BTG2: variants seen among roughly 807,000 people sequenced by gnomAD.
The protein encoded by BTG2 is BTG anti-proliferation factor 2, also known as protein BTG2.
Under a neutral mutation model 13.1 loss-of-function variants are expected in BTG2, and 9 were observed. The ratio of observed to expected loss-of-function variants is 0.69; its 90% CI spans 0.41 to 1.20. BTG2 has a LOEUF of 1.20. Among genes scored for constraint, BTG2 ranks in the 50% most tolerant of loss-of-function variants. The pLI is 0.00. For missense variants in BTG2, 200 were observed against 209.5 expected (o/e 0.95, Z 0.28); for synonymous variants, 92 against 88.6 (o/e 1.04, Z -0.21).
At chr1:203,305,779 C>CG in intron 1 of BTG2, 31 bp downstream of exon 1, 1 of 1,534,468 alleles carries the variant, frequency 6.5e-7, no homozygotes, top group Non-Finnish European at 8.8e-7. Context: ...CTGGCGCCAC[C>CG]GGGGGTCGGC....
intron 1 of BTG2, among the ~76,000 whole-genome samples, chr1:203,306,240 A>T (rs1658269101): frequency 6.6e-6 from 1 of 152,020 alleles, no homozygotes; most frequent in South Asian, 2.1e-4. Context: ...CTGGTTGCTG[A>T]CTGGCTTCAA....
rs2102286222 is a variant in BTG2 at position 203,307,977 on chromosome 1, G to C, written c.*539G>C. ...CTTTTATTTTTCTAATGAGGTCCTG[G>C]GCAGAGAGTGAAAAGGCCTCTCCTG... is the stretch of plus-strand genomic sequence containing the variant. On this transcript the variant is annotated 3_prime_UTR_variant, in exon 2 of 2. Transcript: ENST00000290551. The C allele has an allele frequency of 6.5e-6, 1 of 152,754 alleles. No homozygotes were observed. Among genetic ancestry groups the C allele is most frequent in the South Asian group, 2.1e-4 (1 of 4,830 alleles). The allele number at this position is 152,754 out of a possible 1,614,324, so 9.5% of individuals were successfully genotyped here.
chr1:203,305,753 G>C lies in BTG2; in HGVS notation c.142+5G>C. 6.5e-7 allele frequency: 1 copy of C among 1,544,372 alleles called. No individual in the cohort carries two copies. Among genetic ancestry groups the C allele is most frequent in the Non-Finnish European group, 8.7e-7 (1 of 1,144,628 alleles). On this transcript the variant is annotated splice_donor_5th_base_variant and intron_variant, in intron 1 of 1. Coordinates refer to ENST00000290551, the MANE Select transcript of BTG2 (RefSeq NM_006763.3). ...CGCTCCAGGAGGCACTCACAGGTGA[G>C]CGCATGCCGAGGGGCCTGGCGCCAC...
At chr1:203,305,920 C>T (rs533373974) in intron 1 of BTG2, among the ~76,000 whole-genome samples, 172 bp downstream of exon 1, 1 of 152,290 alleles carries the variant, frequency 6.6e-6, no homozygotes, top group African/African-American at 2.4e-5. Context: ...GGTCCTCCTC[C>T]CCAGCCCTGT....
intron 1 of BTG2, 103 bp downstream of exon 1, chr1:203,305,851 T>C (rs1658247294): frequency 6.9e-7 from 1 of 1,447,682 alleles, no homozygotes; most frequent in Non-Finnish European, 9.1e-7. Context: ...CGGGAGCAGC[T>C]TTGGGACTCG....
intron 1 of BTG2, among the ~76,000 whole-genome samples, chr1:203,306,148 T>A (rs1571500551): frequency 6.6e-6 from 1 of 152,072 alleles, no homozygotes; most frequent in African/African-American, 2.4e-5. Context: ...GGGAAGAAGG[T>A]GCAGTCGAGC....
rs965650259 is a variant in BTG2, at chr1:203,309,394, A to C, written c.*1956A>C. ...TTCTCTTCTTTATGATGTTCACTTT[A>C]AAAACAACAAAACCCCTGAGCTGGA... On this transcript the variant is annotated 3_prime_UTR_variant, in exon 2 of 2. Coordinates refer to ENST00000290551, the MANE Select transcript of BTG2 (RefSeq NM_006763.3). The C allele has an allele frequency of 6.6e-6, 1 of 152,624 alleles. No homozygotes were observed. The highest frequency in any genetic ancestry group is 2.4e-5 in the African/African-American group (1 of 41,438). 9.5% of individuals were successfully genotyped at this position (152,624 alleles called of 1,614,324 possible).
At position 203,305,613 on chromosome 1, in the gene BTG2, C is replaced by G. The variant is rs755396120; in HGVS notation, c.7C>G (p.His3Asp). 32 of 1,602,510 alleles carry G rather than the reference C, an allele frequency of 2.0e-5. No individual in the cohort carries two copies. The Admixed American group carries it at 4.1e-4, about 20-fold the overall frequency. Residue 3 changes from histidine (H) to aspartate (D), a missense_variant, in exon 1 of 2, where the codon CAC becomes GAC. Physicochemically the swap from His to Asp is moderately conservative, Grantham distance 81. Transcript: ENST00000290551. MS[H>D]GKGTDMLPEI... ...AGCCCGAGCCGCGCGCGACATGAGCCACGGGAAGGGAACCGACATGCTCCC... is the reference window on the plus strand; with the variant it reads ...AGCCCGAGCCGCGCGCGACATGAGCGACGGGAAGGGAACCGACATGCTCCC...
intron 1 of BTG2, among the ~76,000 whole-genome samples, chr1:203,306,211 C>T (rs534285400): frequency 6.6e-6 from 1 of 152,334 alleles, no homozygotes; most frequent in African/African-American, 2.4e-5. Flanking sequence ...TCGGGGTGCG[C>T]TGTGCCTGGG....
intron 1 of BTG2, 107 bp downstream of exon 1, chr1:203,305,855 G>T (rs1658247360): frequency 7.0e-7 from 1 of 1,436,274 alleles, no homozygotes; most frequent in Admixed American, 2.7e-5. Flanking sequence ...AGCAGCTTTG[G>T]GACTCGGTGG....
intron 1 of BTG2, among the ~76,000 whole-genome samples, chr1:203,306,075 A>G (rs1658255715): frequency 6.6e-6 from 1 of 151,946 alleles, no homozygotes; most frequent in African/African-American, 2.4e-5. Flanking sequence ...TGGACCCTCG[A>G]GATCTTAAGA....
intron 1 of BTG2, 49 bp from the exon 2 acceptor site, chr1:203,307,055 G>A: frequency 6.5e-7 from 1 of 1,536,702 alleles, no homozygotes; most frequent in Non-Finnish European, 8.9e-7. Context: ...TAGTATCCAT[G>A]GCCTAGCTGC....
chr1:203,306,177 T>A (rs571670538), intron 1 of BTG2, among the ~76,000 whole-genome samples: 1 of 151,970 alleles, frequency 6.6e-6, no homozygotes. Flanking sequence ...CAATTTGGAG[T>A]CCCAGTGCGG....
At position 203,309,193 on chromosome 1, in the gene BTG2, A is replaced by G. The variant is rs1360955063; in HGVS notation, c.*1755A>G. ...GTATTGCCTTCCCAGACCTGCTTCC[A>G]GTCTTTATTGCTTTAAAGTTCACTT... On this transcript the variant is annotated 3_prime_UTR_variant, in exon 2 of 2. Coordinates refer to ENST00000290551, the MANE Select transcript of BTG2 (RefSeq NM_006763.3). The G allele has an allele frequency of 6.6e-6, 1 of 152,666 alleles. No homozygotes were observed. Among genetic ancestry groups the G allele is most frequent in the Non-Finnish European group, 1.5e-5 (1 of 68,040 alleles). 9.5% of individuals were successfully genotyped at this position (152,666 alleles called of 1,614,324 possible). A position where few individuals can be genotyped will look rare whatever the true frequency, so the allele number is the denominator to read the frequency against.
intron 1 of BTG2, among the ~76,000 whole-genome samples, chr1:203,306,306 C>T (rs1558183491): frequency 1.3e-5 from 2 of 152,124 alleles, no homozygotes; most frequent in Admixed American, 6.5e-5. Flanking sequence ...CATCTGCCAC[C>T]TATTGTGGTA....
intron 1 of BTG2, 135 bp downstream of exon 1, chr1:203,305,883 G>A (rs1159808187): frequency 7.9e-7 from 1 of 1,269,836 alleles, no homozygotes; most frequent in Non-Finnish European, 1.1e-6. Context: ...CCGACCCCCG[G>A]GGCGGCCCGC....
chr1:203,306,260 TG>T (rs1370827130), intron 1 of BTG2, among the ~76,000 whole-genome samples: 1 of 152,200 alleles, frequency 6.6e-6, no homozygotes, highest in Non-Finnish European at 1.5e-5. Context: ...AGTTGGAATT[TG>T]GGCCCCCTTT....
In BTG2 at chr1:203,307,198, C is replaced by T. The variant is rs1658298608; in HGVS notation, c.237C>T (p.Ser79=). ...RINHKMDPII[S]RVASQIGLSQ... is the part of the protein sequence containing the mutation. The stretch of plus-strand genomic sequence containing the variant: ...ACCACAAGATGGACCCCATCATCAG[C>T]AGGGTGGCCAGCCAGATCGGACTCA... The change falls in exon 2 of 2, where the codon AGC becomes AGT. Residue 79 remains serine, a synonymous_variant. Coordinates refer to ENST00000290551, the MANE Select transcript of BTG2 (RefSeq NM_006763.3). 1 of 1,614,160 alleles carries T rather than the reference C, an allele frequency of 6.2e-7. No individual in the cohort carries two copies. Among genetic ancestry groups the T allele is most frequent in the African/African-American group, 1.3e-5 (1 of 74,960 alleles).
At chr1:203,306,236 G>A (rs535226051) in intron 1 of BTG2, among the ~76,000 whole-genome samples, 3 of 152,302 alleles carry the variant, frequency 2.0e-5, no homozygotes, top group African/African-American at 4.8e-5. Context: ...TCCACTGGTT[G>A]CTGACTGGCT....
Sources: gnomAD v4.1 joint callset for allele counts (sites outside exome capture counted in the v4.1 genomes callset) on GRCh38, gnomAD v4.1.1 for gene constraint, MANE v1.5 for transcripts, NCBI Gene and HGNC (gene_info 2026-07-23, HGNC 2026-07-21) for gene names.